CSNK1G2: variants seen among roughly 807,000 people sequenced by gnomAD.
CSNK1G2 encodes casein kinase 1 gamma 2, also known as casein kinase I isoform gamma-2.
A neutral mutation model predicts 48.0 loss-of-function variants in CSNK1G2; 11 were observed. That is an observed-to-expected ratio of 0.23 (90% CI 0.14 to 0.38). The LOEUF is 0.38. Among genes scored for constraint, CSNK1G2 ranks in the 10% least tolerant of loss-of-function variants. CSNK1G2 has a pLI of 1.00. For missense variants in CSNK1G2, 446 were observed against 595.5 expected, an observed-to-expected ratio of 0.75 and a Z score of 2.61; for synonymous variants, 337 against 254.1, an observed-to-expected ratio of 1.33 and a Z score of -3.10.
chr19:1,949,324 C>G (rs956919743), intron 1 of CSNK1G2, among the ~76,000 whole-genome samples: 1 of 152,222 alleles, frequency 6.6e-6, no homozygotes, highest in Admixed American at 6.5e-5. Context: ...TCTCCAGCCC[C>G]TGGCACCCCC....
chr19:1,979,119 G>A (rs774654686), intron 6 of CSNK1G2, 26 bp downstream of exon 6: 56 of 1,575,480 alleles, frequency 3.6e-5, no homozygotes, highest in Non-Finnish European at 4.7e-5. Context: ...GCGGCGGGGG[G>A]CGGGCGCCCG....
chr19:1,957,426 C>T lies in CSNK1G2; in HGVS notation c.-265-12082C>T, dbSNP rs117292565. Among the ~76,000 whole-genome samples the T allele has an allele frequency of 1.0e-3, 157 of 152,316 alleles. 1 individual carries two copies. The East Asian group carries it at 0.011, about 11-fold the overall frequency. On this transcript the variant is annotated intron_variant, in intron 1 of 11. Coordinates refer to ENST00000255641, the MANE Select transcript of CSNK1G2 (RefSeq NM_001319.7). This position sits in a 1 kb window ranked among gnomAD's most constrained non-coding sequence, Gnocchi z 5.4. ...AAACCAAGTGCTGAGCAGAGAGCAGCCTGGGAGAGAAGGGGGCTGCCCCGA... is the reference window on the plus strand; with the variant it reads ...AAACCAAGTGCTGAGCAGAGAGCAGTCTGGGAGAGAAGGGGGCTGCCCCGA...
Position 1,979,891 on chromosome 19 carries a change from C to A in CSNK1G2, c.1087-20C>A. The A allele has an allele frequency of 6.2e-6, 10 of 1,605,846 alleles. No homozygotes were observed. Among genetic ancestry groups the A allele is most frequent in the Non-Finnish European group, 8.5e-6 (10 of 1,176,718 alleles). ...GGAGGGGCATGGGCGGCCAGCGTGA[C>A]CCCCTACTGCCCCCACCAGGCGTTG... On this transcript the variant is annotated intron_variant, in intron 10 of 11. Transcript: ENST00000255641.
intron 2 of CSNK1G2, among the ~76,000 whole-genome samples, chr19:1,972,299 G>T (rs564131294): frequency 6.6e-6 from 1 of 152,194 alleles, no homozygotes; most frequent in Non-Finnish European, 1.5e-5. Flanking sequence ...GAACTGAATA[G>T]CACTGGGCTC....
At chr19:1,947,038 G>A (rs2014589635) in intron 1 of CSNK1G2, among the ~76,000 whole-genome samples, 2 of 152,354 alleles carry the variant, frequency 1.3e-5, no homozygotes, top group African/African-American at 4.8e-5. Flanking sequence ...ACAGGCGTGA[G>A]CCACCGTGCC....
At chr19:1,948,554 A>AAAAC (rs5826751) in intron 1 of CSNK1G2, among the ~76,000 whole-genome samples, 5 of 142,282 alleles carry the variant, frequency 3.5e-5, no homozygotes, top group African/African-American at 2.6e-5. Flanking sequence ...AAAAAAAAAA[A>AAAAC]GATCCCGTCA....
At chr19:1,955,021 C>T (rs556351551) in intron 1 of CSNK1G2, among the ~76,000 whole-genome samples, 3 of 152,280 alleles carry the variant, frequency 2.0e-5, no homozygotes, top group East Asian at 3.9e-4. Context: ...TTTACGTCCT[C>T]GCTTCCTTCC....
rs759574195 is a variant in CSNK1G2, at chr19:1,961,809, TG to T, written c.-265-7696del. Among the ~76,000 whole-genome samples the T allele has an allele frequency of 6.5e-4, 99 of 152,326 alleles. 2 individuals are homozygous for T. The highest frequency in any genetic ancestry group is 1.3e-3 in the Non-Finnish European group (90 of 68,030). On this transcript the variant is annotated intron_variant, in intron 1 of 11. Coordinates refer to ENST00000255641, the MANE Select transcript of CSNK1G2 (RefSeq NM_001319.7). Reference sequence around the variant, plus strand: ...CCATGCGTGGGTGTTTCTGGATGTTTGGGCAGTAAGGAGAGTCGGTAGCTCA... The same window carrying T: ...CCATGCGTGGGTGTTTCTGGATGTTTGGCAGTAAGGAGAGTCGGTAGCTCA...
At chr19:1,950,298 C>A (rs879307336) in intron 1 of CSNK1G2, among the ~76,000 whole-genome samples, 1 of 147,584 alleles carries the variant, frequency 6.8e-6, no homozygotes, top group African/African-American at 2.5e-5. Flanking sequence ...CGCCACCACA[C>A]CCAGCTAATT....
At chr19:1,954,463 C>T (rs796673204) in intron 1 of CSNK1G2, 2 of 158,776 alleles carry the variant, frequency 1.3e-5, no homozygotes, top group Non-Finnish European at 2.8e-5. Flanking sequence ...GGTCTGCGGC[C>T]GGGTCCACAT....
At chr19:1,972,772 G>A (rs1343813499) in intron 2 of CSNK1G2, among the ~76,000 whole-genome samples, 1 of 152,000 alleles carries the variant, frequency 6.6e-6, no homozygotes, top group Non-Finnish European at 1.5e-5. Context: ...ACAGGCGTGA[G>A]CCACCATGCC....
intron 1 of CSNK1G2, chr19:1,953,496 G>A (rs62129472): frequency 0.021 from 11,324 of 533,450 alleles, 194 homozygotes; most frequent in Non-Finnish European, 0.029. Context: ...CCTTGCCTCC[G>A]TTTGCATAAT....
At chr19:1,948,454 C>T (rs1405489387) in intron 1 of CSNK1G2, among the ~76,000 whole-genome samples, 1 of 136,156 alleles carries the variant, frequency 7.3e-6, no homozygotes, top group Non-Finnish European at 1.5e-5. Context: ...ACCCGGGAGG[C>T]GAAGCTTACA....
At chr19:1,944,585 C>T (rs571007118) in intron 1 of CSNK1G2, among the ~76,000 whole-genome samples, 2 of 152,262 alleles carry the variant, frequency 1.3e-5, no homozygotes, top group Non-Finnish European at 2.9e-5. Context: ...TCACCGCCTT[C>T]CCCATCCTCT....
intron 1 of CSNK1G2, among the ~76,000 whole-genome samples, chr19:1,961,479 G>A (rs574033494): frequency 1.4e-4 from 22 of 152,374 alleles, no homozygotes; most frequent in South Asian, 4.1e-4. Flanking sequence ...ATTGCTGTCC[G>A]TTTCTCCAGA....
intron 1 of CSNK1G2, among the ~76,000 whole-genome samples, chr19:1,946,269 T>C (rs972363921): frequency 4.7e-5 from 6 of 128,280 alleles, no homozygotes; most frequent in Non-Finnish European, 7.2e-5. Context: ...TTTATTCGTT[T>C]ATTTATTTAT....
At chr19:1,944,411 A>G (rs143334854) in intron 1 of CSNK1G2, among the ~76,000 whole-genome samples, 100 of 152,070 alleles carry the variant, frequency 6.6e-4, no homozygotes, top group African/African-American at 2.3e-3. Context: ...TGGAGCGCCC[A>G]TTTTACAGAT....
chr19:1,942,994 A>C (rs1335722006), intron 1 of CSNK1G2, among the ~76,000 whole-genome samples: 1 of 152,066 alleles, frequency 6.6e-6, no homozygotes, highest in East Asian at 1.9e-4. Context: ...TCAGCCCCCC[A>C]CAGTGAGCTC....
chr19:1,970,351 C>T (rs927837476), intron 2 of CSNK1G2, among the ~76,000 whole-genome samples: 4 of 152,232 alleles, frequency 2.6e-5, no homozygotes, highest in Admixed American at 6.5e-5. Context: ...GAGGTCTTGG[C>T]CAGCCCGGAG....
Sources: gnomAD v4.1 joint callset for allele counts (sites outside exome capture counted in the v4.1 genomes callset) on GRCh38, gnomAD v4.1.1 for gene constraint, Gnocchi (gnomAD v3.1) non-coding constraint, MANE v1.5 for transcripts, NCBI Gene and HGNC (gene_info 2026-07-23, HGNC 2026-07-21) for gene names.